MRC1: variants seen among roughly 807,000 people sequenced by gnomAD.
The protein encoded by MRC1 is mannose receptor C-type 1, also known as macrophage mannose receptor 1.
In MRC1, 62 loss-of-function variants were observed where a neutral mutation model predicts 102.9. That is an observed-to-expected ratio of 0.60 (90% CI 0.49 to 0.74). MRC1 has a LOEUF of 0.74. MRC1 is among the 30% of genes least tolerant of loss of function. The probability of loss-of-function intolerance (pLI) is 0.00; values close to 1 mark genes in which losing one functional copy is unlikely to be tolerated. For missense variants in MRC1, 1,237 were observed against 862.8 expected (o/e 1.43, Z -5.43); for synonymous variants, 457 against 298.4 (o/e 1.53, Z -5.48).
chr10:17,899,846 C>A (rs926458323), intron 24 of MRC1, among the ~76,000 whole-genome samples: 5 of 151,790 alleles, frequency 3.3e-5, no homozygotes, highest in Non-Finnish European at 4.4e-5. Flanking sequence ...CGCCTGTAAC[C>A]CCAGCAGTTT....
rs2130691082 is a variant in MRC1 at position 17,881,018 on chromosome 10, G to T, written c.2866-49G>T. ...TGTAGAGCAAAGTTGATCATCTTTA[G>T]TTAACCCCTGCAGTTTTTCTTTTTT... On this transcript the variant is annotated intron_variant, in intron 20 of 29. Coordinates refer to ENST00000569591, the MANE Select transcript of MRC1 (RefSeq NM_002438.4). 5 of 779,078 alleles carry T rather than the reference G, an allele frequency of 6.4e-6. No individual in the cohort carries two copies. The East Asian group carries it at 1.2e-4, about 19-fold the overall frequency. 48.3% of individuals were successfully genotyped at this position (779,078 alleles called of 1,614,324 possible). A position where few individuals can be genotyped will look rare whatever the true frequency, so the allele number is the denominator to read the frequency against.
At chr10:17,841,290 A>C (rs1360250398) in intron 5 of MRC1, among the ~76,000 whole-genome samples, 6 of 152,332 alleles carry the variant, frequency 3.9e-5, no homozygotes, top group African/African-American at 1.4e-4. Context: ...CTGTACCTTG[A>C]GTCATGAGGT....
Position 17,849,563 on chromosome 10 carries a change from C to CT in MRC1, c.1064-16_1064-15insT. The CT allele has an allele frequency of 2.6e-6, 2 of 776,358 alleles. No homozygotes were observed. The highest frequency in any genetic ancestry group is 1.4e-5 in the South Asian group (1 of 73,138). 48.1% of individuals were successfully genotyped at this position (776,358 alleles called of 1,614,324 possible). ...ATCTTTTAAAATTTTTTTCCGACCC[C>CT]CCTTTTTGTTTCTAGAAAGTGATGT... On this transcript the variant is annotated splice_polypyrimidine_tract_variant and intron_variant, in intron 6 of 29. Coordinates refer to ENST00000569591, the MANE Select transcript of MRC1 (RefSeq NM_002438.4).
At chr10:17,857,757 G>T (rs1046863975) in intron 9 of MRC1, among the ~76,000 whole-genome samples, 1 of 152,122 alleles carries the variant, frequency 6.6e-6, no homozygotes, top group Non-Finnish European at 1.5e-5. Context: ...TTTCTGCCTG[G>T]GCTTTGGCAT....
At chr10:17,829,386 A>G (rs1838533861) in intron 3 of MRC1, among the ~76,000 whole-genome samples, 1 of 151,384 alleles carries the variant, frequency 6.6e-6, no homozygotes, top group Admixed American at 6.6e-5. Context: ...AGCCCCATAT[A>G]CTATTGTAAT....
intron 24 of MRC1, 79 bp from the exon 25 acceptor site, chr10:17,900,709 T>C (rs1364288274): frequency 5.1e-6 from 4 of 779,422 alleles, no homozygotes; most frequent in Admixed American, 1.7e-5. Context: ...TAAATATACT[T>C]TGTATTCTTG....
intron 22 of MRC1, among the ~76,000 whole-genome samples, chr10:17,888,397 G>T (rs1833629499): frequency 6.6e-6 from 1 of 152,176 alleles, no homozygotes; most frequent in South Asian, 2.1e-4. Flanking sequence ...AGGAGTGTAG[G>T]CTGTGATTCA....
chr10:17,881,205 G>A (rs1272538155), intron 21 of MRC1, 24 bp downstream of exon 21: 9 of 777,930 alleles, frequency 1.2e-5, no homozygotes, highest in Non-Finnish European at 1.9e-5. Flanking sequence ...TTTGCAATTA[G>A]TTGTGTGTTT....
At chr10:17,855,683 G>T (rs1172945878) in intron 8 of MRC1, among the ~76,000 whole-genome samples, 17 of 151,200 alleles carry the variant, frequency 1.1e-4, no homozygotes, top group Non-Finnish European at 8.8e-5. Flanking sequence ...TCTAAACAAT[G>T]GCTTGGACAT....
At chr10:17,827,141 GTTA>G (rs1482433254) in intron 2 of MRC1, among the ~76,000 whole-genome samples, 5 of 151,950 alleles carry the variant, frequency 3.3e-5, no homozygotes, top group African/African-American at 1.2e-4. Flanking sequence ...GGTACTATGA[GTTA>G]TTATTACCAC....
intron 23 of MRC1, among the ~76,000 whole-genome samples, chr10:17,894,634 G>A (rs1371731262): frequency 6.6e-6 from 1 of 151,706 alleles, no homozygotes; most frequent in Non-Finnish European, 1.5e-5. Context: ...CCTGACCTCA[G>A]GTGATCTACC....
At chr10:17,879,506 A>C (rs1554842284) in intron 18 of MRC1, among the ~76,000 whole-genome samples, 1 of 151,974 alleles carries the variant, frequency 6.6e-6, no homozygotes, top group Non-Finnish European at 1.5e-5. Context: ...GGAGCCCACA[A>C]CCATGCCTGG....
intron 10 of MRC1, among the ~76,000 whole-genome samples, chr10:17,862,674 G>A (rs1194774956): frequency 1.3e-5 from 2 of 152,076 alleles, no homozygotes; most frequent in Non-Finnish European, 2.9e-5. Flanking sequence ...GGTTTGTTTT[G>A]TTTAGGGAAT....
intron 16 of MRC1, among the ~76,000 whole-genome samples, chr10:17,874,582 G>A (rs1377132538): frequency 6.6e-6 from 1 of 152,158 alleles, no homozygotes; most frequent in Non-Finnish European, 1.5e-5. Flanking sequence ...TCAGCCTACT[G>A]TAGCACGGAA....
At chr10:17,870,223 T>C (rs1214579070) in intron 12 of MRC1, 23 bp from the exon 13 acceptor site, 1 of 769,694 alleles carries the variant, frequency 1.3e-6, no homozygotes, top group Non-Finnish European at 2.4e-6. Context: ...ATAAAATAAT[T>C]TTTGTAACCA....
At chr10:17,846,138 C>G (rs1425927930) in intron 6 of MRC1, among the ~76,000 whole-genome samples, 1 of 152,004 alleles carries the variant, frequency 6.6e-6, no homozygotes, top group Non-Finnish European at 1.5e-5. Context: ...GAACTCCTGA[C>G]CTTGGGTGAT....
At chr10:17,857,264 C>A (rs1384062203) in intron 9 of MRC1, among the ~76,000 whole-genome samples, 2 of 152,164 alleles carry the variant, frequency 1.3e-5, no homozygotes, top group Non-Finnish European at 2.9e-5. Context: ...ACGTAGCTTT[C>A]TGATAGAAAC....
chr10:17,902,894 G>T (rs1189841940), intron 26 of MRC1, among the ~76,000 whole-genome samples: 1 of 152,118 alleles, frequency 6.6e-6, no homozygotes, highest in African/African-American at 2.4e-5. Context: ...TTTGATTCAT[G>T]TACTTTGGGG....
Position 17,909,496 on chromosome 10 carries a change from G to A in MRC1, c.4120+149G>A, listed in dbSNP as rs569361942. ...CTATCCTTTGTCATCAGCCTACTTT[G>A]AATAATACTTTAGAAAAAGAGGCCT... On this transcript the variant is annotated intron_variant, in intron 29 of 29. Transcript: ENST00000569591. 5 of 638,444 alleles carry A rather than the reference G, an allele frequency of 7.8e-6. No homozygotes were observed. The Admixed American group carries it at 1.4e-4, about 18-fold the overall frequency. 39.5% of individuals were successfully genotyped at this position (638,444 alleles called of 1,614,324 possible).
Sources: gnomAD v4.1 joint callset for allele counts (sites outside exome capture counted in the v4.1 genomes callset) on GRCh38, gnomAD v4.1.1 for gene constraint, MANE v1.5 for transcripts, NCBI Gene and HGNC (gene_info 2026-07-23, HGNC 2026-07-21) for gene names.